The following ZNF689 variants were observed in gnomAD, a reference collection of about 807,000 sequenced individuals.
The protein encoded by ZNF689 is zinc finger protein 689, also known as short ORF-encoded histone-binding protein.
A neutral mutation model predicts 37.2 loss-of-function variants in ZNF689; 14 were observed. The observed-to-expected ratio is 0.38, with a 90% confidence interval of 0.25 to 0.59. The LOEUF (loss-of-function observed/expected upper bound fraction) is 0.59. ZNF689 is among the 20% of genes least tolerant of loss of function. The pLI, the probability that ZNF689 is intolerant of heterozygous loss-of-function variation, is 0.68. For synonymous variants in ZNF689, 277 were observed against 283.3 expected (o/e 0.98, Z 0.22); for missense variants, 573 against 700.2 (o/e 0.82, Z 2.05).
At chr16:30,606,858 TAATA>T (rs2052041035) in intron 2 of ZNF689, among the ~76,000 whole-genome samples, 1 of 152,208 alleles carries the variant, frequency 6.6e-6, no homozygotes, top group Non-Finnish European at 1.5e-5. Context: ...TTTTTTCACT[TAATA>T]TATTCTAAAG....
intron 2 of ZNF689, among the ~76,000 whole-genome samples, chr16:30,607,223 T>C (rs1261138177): frequency 8.0e-6 from 1 of 124,512 alleles, no homozygotes; most frequent in Admixed American, 1.1e-4. Context: ...CACTCCAGCC[T>C]GCATGACAGA....
At chr16:30,606,960 A>T (rs917156234) in intron 2 of ZNF689, among the ~76,000 whole-genome samples, 1 of 152,106 alleles carries the variant, frequency 6.6e-6, no homozygotes, top group Non-Finnish European at 1.5e-5. Context: ...CTGATTCTTT[A>T]AAAAATGTGG....
chr16:30,609,791 C>A lies in ZNF689; in HGVS notation c.205+46G>T, dbSNP rs755939131. 3.2e-6 allele frequency: 5 copies of A among 1,573,776 alleles called. No individual in the cohort carries two copies. In the East Asian group the frequency reaches 7.0e-5, roughly 22 times the overall value. The stretch of plus-strand genomic sequence containing the variant: ...CTCCCTGCCTACACCCTCTCCGGCT[C>A]CTGCATCCCTTCGCGCCCCGCGGCA... On this transcript the variant is annotated intron_variant, in intron 1 of 2. Coordinates refer to ENST00000287461, the MANE Select transcript of ZNF689 (RefSeq NM_138447.3).
chr16:30,605,847 AC>A lies in ZNF689; in HGVS notation c.320-401del, dbSNP rs2052030982. Among the ~76,000 whole-genome samples the A allele has an allele frequency of 6.6e-6, 1 of 151,290 alleles. No homozygotes were observed. Among genetic ancestry groups the A allele is most frequent in the South Asian group, 2.1e-4 (1 of 4,786 alleles). On this transcript the variant is annotated intron_variant, in intron 2 of 2. Coordinates refer to ENST00000287461, the MANE Select transcript of ZNF689 (RefSeq NM_138447.3). This position sits in a 1 kb window ranked among gnomAD's most constrained non-coding sequence, Gnocchi z 5.1. Reference sequence around the variant, plus strand: ...GTGGCACGCACCTGTAATCCCAGCTACCCAGAAGGCTGAGGCAGGAGAATCG... The same window carrying A: ...GTGGCACGCACCTGTAATCCCAGCTACCAGAAGGCTGAGGCAGGAGAATCG...
chr16:30,605,561 C>G lies in ZNF689; in HGVS notation c.320-114G>C. 1 of 1,091,554 alleles carries G rather than the reference C, an allele frequency of 9.2e-7. No homozygotes were observed. Among genetic ancestry groups the G allele is most frequent in the South Asian group, 1.6e-5 (1 of 63,642 alleles). 67.6% of individuals were successfully genotyped at this position (1,091,554 alleles called of 1,614,324 possible). A position where few individuals can be genotyped will look rare whatever the true frequency, so the allele number is the denominator to read the frequency against. ...CCCCTGGTCTCAATTCCTAGTGCCA[C>G]AGACAGCTAAGTGTGACATACTGTC... On this transcript the variant is annotated intron_variant, in intron 2 of 2. Coordinates refer to ENST00000287461, the MANE Select transcript of ZNF689 (RefSeq NM_138447.3). The surrounding 1 kb of genome is among the most constrained non-coding windows in gnomAD (Gnocchi z 5.1).
Position 30,604,281 on chromosome 16 carries a change from T to A in ZNF689, c.1486A>T (p.Arg496Trp). The A allele has an allele frequency of 6.2e-7, 1 of 1,614,116 alleles. No individual in the cohort carries two copies. The highest frequency in any genetic ancestry group is 1.1e-5 in the South Asian group (1 of 91,088). ...TTCCCCTTCTAATGGGCGTTGCCCC[T>A]CTGACTGGAGCCCCCGATAGCAGAT... ...PRSAIGGSSQ[R>W]GNAH The change falls in exon 3 of 3, where the codon AGG (arginine) becomes TGG (tryptophan). Residue 496 changes from arginine to tryptophan, a missense_variant. By Grantham distance (101) the Arg-to-Trp change is moderately radical. Around this residue, in one of 3 missense-constraint regions of ZNF689, gnomAD observed 317 missense variants for 367.1 expected, o/e 0.86. Coordinates refer to ENST00000287461, the MANE Select transcript of ZNF689 (RefSeq NM_138447.3). The surrounding 1 kb of genome is among the most constrained non-coding windows in gnomAD (Gnocchi z 5.2).
In ZNF689 at chr16:30,605,051, C is replaced by T; in HGVS notation, c.716G>A (p.Gly239Asp). The T allele has an allele frequency of 6.2e-7, 1 of 1,613,762 alleles. No homozygotes were observed. The highest frequency in any genetic ancestry group is 2.2e-5 in the East Asian group (1 of 44,862). Residue 239 changes from glycine to aspartate, a missense_variant, in exon 3 of 3, where the codon GGT becomes GAT. Around this residue, in one of 3 missense-constraint regions of ZNF689, gnomAD observed 4 missense variants for 19.8 expected, o/e 0.20. Transcript: ENST00000287461. The surrounding 1 kb of genome is among the most constrained non-coding windows in gnomAD (Gnocchi z 5.1). ...GEKPYHCPDC[G>D]RCFRRSRSLA... ...GGACCGGCTCCTCCGGAAGCAGCGA[C>T]CACAGTCAGGGCAGTGATAGGGCTT... is the stretch of plus-strand genomic sequence containing the variant.
rs2052085926 is a variant in ZNF689, at chr16:30,610,387, G to A, written c.-346C>T. ...TAACCTCTTTGCCCTCAAGTGTAAT[G>A]GCGCTGCGATTGGGCTTCACGCCGT... On this transcript the variant is annotated 5_prime_UTR_variant, in exon 1 of 3. Coordinates refer to ENST00000287461, the MANE Select transcript of ZNF689 (RefSeq NM_138447.3). 1.9e-5 allele frequency: 5 copies of A among 266,428 alleles called. No homozygotes were observed. Among genetic ancestry groups the A allele is most frequent in the Non-Finnish European group, 2.9e-5 (4 of 139,834 alleles). The allele number at this position is 266,428 out of a possible 1,614,324, so 16.5% of individuals were successfully genotyped here.
Position 30,610,235 on chromosome 16 carries a change from C to G in ZNF689, c.-194G>C, listed in dbSNP as rs973776519. The stretch of plus-strand genomic sequence containing the variant: ...GTTATTCAGGAAACTCCTGCCCGAA[C>G]TTGGGTGAAAGGCACCGGAAGATGC... On this transcript the variant is annotated 5_prime_UTR_variant, in exon 1 of 3. Transcript: ENST00000287461. 2.8e-5 allele frequency: 19 copies of G among 677,762 alleles called. No homozygotes were observed. The highest frequency in any genetic ancestry group is 2.6e-4 in the African/African-American group (14 of 54,202). The allele number at this position is 677,762 out of a possible 1,614,324, so 42.0% of individuals were successfully genotyped here.
At position 30,604,318 on chromosome 16, in the gene ZNF689, GTTTGGGGCCTTGGGGCTACAC is replaced by G; in HGVS notation, c.1428_1448del (p.Lys476_Pro482del). On this transcript the variant is annotated inframe_deletion, in exon 3 of 3. Transcript: ENST00000287461. The surrounding 1 kb of genome is among the most constrained non-coding windows in gnomAD (Gnocchi z 5.2). ...CCCCGATAGCAGATCTAGGGCTACAGTTTGGGGCCTTGGGGCTACACTTGTGGACAGCCAGAGACCACCTCT... is the reference window on the plus strand; with the variant it reads ...CCCCGATAGCAGATCTAGGGCTACAGTTGTGGACAGCCAGAGACCACCTCT... 6.2e-7 allele frequency: 1 copy of G among 1,614,064 alleles called. No homozygotes were observed. The highest frequency in any genetic ancestry group is 8.5e-7 in the Non-Finnish European group (1 of 1,180,014).
At chr16:30,610,755 T>G (rs1473198175), upstream of ZNF689, 1 of 152,198 alleles carries the variant, frequency 6.6e-6, no homozygotes, top group Non-Finnish European at 1.5e-5. Context: ...TCCTTGACTT[T>G]GGAGAATGGT....
chr16:30,604,787 G>GAGA lies in ZNF689; in HGVS notation c.977_979dup (p.Phe326dup). 7.5e-6 allele frequency: 12 copies of GAGA among 1,609,428 alleles called. No homozygotes were observed. The highest frequency in any genetic ancestry group is 1.0e-5 in the Non-Finnish European group (12 of 1,177,908). Reference sequence around the variant, plus strand: ...GTGACTGACCAGGCGAGAGGAGGAGGAGAAGCGCCGCTCGCAGTCCGGGCA... The same window carrying GAGA: ...GTGACTGACCAGGCGAGAGGAGGAGGAGAAGAAGCGCCGCTCGCAGTCCGGGCA... On this transcript the variant is annotated inframe_insertion, in exon 3 of 3. Transcript: ENST00000287461. The surrounding 1 kb of genome is among the most constrained non-coding windows in gnomAD (Gnocchi z 5.2).
In ZNF689 at chr16:30,610,337, T is replaced by A. The variant is rs1301000149; in HGVS notation, c.-296A>T. 9.6e-6 allele frequency: 4 copies of A among 418,182 alleles called. No individual in the cohort carries two copies. Among genetic ancestry groups the A allele is most frequent in the African/African-American group, 8.3e-5 (4 of 48,238 alleles). The allele number at this position is 418,182 out of a possible 1,614,324, so 25.9% of individuals were successfully genotyped here. A position where few individuals can be genotyped will look rare whatever the true frequency, so the allele number is the denominator to read the frequency against. On this transcript the variant is annotated 5_prime_UTR_variant, in exon 1 of 3. Transcript: ENST00000287461. ...GGCAGCTTCCAGCTATCGATTTTAT[T>A]GACCGGAGCGCCATGCCGGCTTCCT...
Position 30,604,566 on chromosome 16 carries a change from G to A in ZNF689, c.1201C>T (p.His401Tyr). Reference protein sequence around the residue: ...HRSTHTEEKLHACDDCGRRFA... With the variant: ...HRSTHTEEKLYACDDCGRRFA... ...CGGCGACCACAGTCGTCGCAGGCGT[G>A]CAGCTTCTCCTCTGTGTGCGTGCTG... is the stretch of plus-strand genomic sequence containing the variant. Residue 401 changes from histidine to tyrosine, a missense_variant, in exon 3 of 3, where the codon CAC (histidine) becomes TAC (tyrosine). Transcript: ENST00000287461. This position sits in a 1 kb window ranked among gnomAD's most constrained non-coding sequence, Gnocchi z 5.2. 1 of 1,589,164 alleles carries A rather than the reference G, an allele frequency of 6.3e-7. No homozygotes were observed. Among genetic ancestry groups the A allele is most frequent in the Non-Finnish European group, 8.6e-7 (1 of 1,168,316 alleles).
chr16:30,604,414 G>A lies in ZNF689; in HGVS notation c.1353C>T (p.His451=). The A allele has an allele frequency of 6.2e-7, 1 of 1,613,694 alleles. No individual in the cohort carries two copies. The highest frequency in any genetic ancestry group is 1.1e-5 in the South Asian group (1 of 91,050). The change falls in exon 3 of 3, where the codon CAC becomes CAT. Residue 451 remains histidine, a synonymous_variant. Coordinates refer to ENST00000287461, the MANE Select transcript of ZNF689 (RefSeq NM_138447.3). The surrounding 1 kb of genome is among the most constrained non-coding windows in gnomAD (Gnocchi z 5.2). ...GGCAGGGGAAAGGCTTCTCCCCCGT[G>A]TGCAGCAGCTGGTGCTGGGCCAGGT... ...WSHLAQHQLL[H]TGEKPFPCLE... is the part of the protein sequence containing the mutation.
In ZNF689 at chr16:30,609,985, A is replaced by T. The variant is rs763009156; in HGVS notation, c.57T>A (p.Ser19Arg). ...PAQGPGKARP[S>R]RKRGRRPRAL... ...CCCTCGGCCTCCTGCCCCTTTTCCG[A>T]CTGGGTCTGGCCTTTCCTGGTCCCT... is the stretch of plus-strand genomic sequence containing the variant. Residue 19 changes from serine (S) to arginine (R), a missense_variant, in exon 1 of 3, where the codon AGT (serine) becomes AGA (arginine). This residue lies in a region of ZNF689 where 252 missense variants were observed against 313.3 expected (regional missense o/e 0.80). Coordinates refer to ENST00000287461, the MANE Select transcript of ZNF689 (RefSeq NM_138447.3). 9.3e-6 allele frequency: 15 copies of T among 1,610,764 alleles called. No individual in the cohort carries two copies. Among genetic ancestry groups the T allele is most frequent in the Admixed American group, 5.0e-5 (3 of 59,760 alleles).
In ZNF689 at chr16:30,605,288, T is replaced by A. The variant is rs1056645657; in HGVS notation, c.479A>T (p.Asp160Val). The change falls in exon 3 of 3, where the codon GAT (aspartate) becomes GTT (valine). Residue 160 changes from aspartate to valine, a missense_variant. Coordinates refer to ENST00000287461, the MANE Select transcript of ZNF689 (RefSeq NM_138447.3). The surrounding 1 kb of genome is among the most constrained non-coding windows in gnomAD (Gnocchi z 5.1). ...ICPDCGCTFP[D>V]HQALESHKCA... The stretch of plus-strand genomic sequence containing the variant: ...CTTGTGGCTCTCCAGGGCCTGATGA[T>A]CAGGGAAGGTACAGCCGCAGTCAGG... 3 of 1,610,506 alleles carry A rather than the reference T, an allele frequency of 1.9e-6. No homozygotes were observed. Among genetic ancestry groups the A allele is most frequent in the Non-Finnish European group, 2.5e-6 (3 of 1,177,594 alleles).
intron 2 of ZNF689, among the ~76,000 whole-genome samples, chr16:30,608,788 C>G (rs937537168): frequency 2.6e-5 from 4 of 152,180 alleles, no homozygotes; most frequent in African/African-American, 7.2e-5. Flanking sequence ...AAGGAAATAT[C>G]ATGGTCAGAT....
At position 30,605,539 on chromosome 16, in the gene ZNF689, CT is replaced by C. The variant is rs895344912; in HGVS notation, c.320-93del. On this transcript the variant is annotated intron_variant, in intron 2 of 2. Coordinates refer to ENST00000287461, the MANE Select transcript of ZNF689 (RefSeq NM_138447.3). The surrounding 1 kb of genome is among the most constrained non-coding windows in gnomAD (Gnocchi z 5.1). ...GTTACAAGACCAATAGACTCACCCC[CT>C]GGTCTCAATTCCTAGTGCCACAGAC... 29 of 1,343,490 alleles carry C rather than the reference CT, an allele frequency of 2.2e-5. No homozygotes were observed. Among genetic ancestry groups the C allele is most frequent in the African/African-American group, 1.5e-4 (10 of 68,120 alleles). The allele number at this position is 1,343,490 out of a possible 1,614,324, so 83.2% of individuals were successfully genotyped here. A position where few individuals can be genotyped will look rare whatever the true frequency, so the allele number is the denominator to read the frequency against.
Sources: gnomAD v4.1 joint callset for allele counts (sites outside exome capture counted in the v4.1 genomes callset) on GRCh38, gnomAD v4.1.1 for gene constraint, gnomAD v4.1.1 regional missense constraint, Gnocchi (gnomAD v3.1) non-coding constraint, MANE v1.5 for transcripts, NCBI Gene and HGNC (gene_info 2026-07-23, HGNC 2026-07-21) for gene names.